The following ZNF287 variants were observed in gnomAD, a reference collection of about 807,000 sequenced individuals.
The protein encoded by ZNF287 is zinc finger protein with KRAB and SCAN domains 13.
ZNF287 carries 31 observed loss-of-function variants against 73.7 expected under a neutral mutation model. The ratio of observed to expected loss-of-function variants is 0.42; its 90% confidence interval spans 0.32 to 0.57. The LOEUF (loss-of-function observed/expected upper bound fraction) is 0.57. Ranked by LOEUF, ZNF287 falls within the 20% of genes least tolerant of loss-of-function variation. The probability of loss-of-function intolerance (pLI) is 0.13; values close to 1 mark genes in which losing one functional copy is unlikely to be tolerated. For missense variants in ZNF287, 641 were observed against 909.3 expected (o/e 0.70, Z 3.79); for synonymous variants, 301 against 307.2 (o/e 0.98, Z 0.21).
At position 16,549,437 on chromosome 17, in the gene ZNF287, GT is replaced by G. The variant is rs778830443; in HGVS notation, c.*2418del. 1.3e-5 allele frequency among the ~76,000 whole-genome samples: 2 copies of G among 152,284 alleles called. No homozygotes were observed. Among genetic ancestry groups the G allele is most frequent in the East Asian group, 3.9e-4 (2 of 5,184 alleles). ...CCACATGCTCAACCAAGGGAAATAA[GT>G]GCTGTGTGAGGGATGAAGCAGCATC... On this transcript the variant is annotated 3_prime_UTR_variant, in exon 6 of 6. Transcript: ENST00000395825.
rs1338522943 is a variant in ZNF287 at position 16,549,530 on chromosome 17, C to G, written c.*2326G>C. On this transcript the variant is annotated 3_prime_UTR_variant, in exon 6 of 6. Transcript: ENST00000395825. ...GCTATATAAGCACAGTTTGAGTATT[C>G]TGCAACCTGTACTTTGTGCAGGATG... is the stretch of plus-strand genomic sequence containing the variant. 4.0e-4 allele frequency among the ~76,000 whole-genome samples: 61 copies of G among 152,162 alleles called. 2 individuals are homozygous for G. Among genetic ancestry groups the G allele is most frequent in the Non-Finnish European group, 1.5e-5 (1 of 68,036 alleles).
At chr17:16,559,306 G>A (rs1245256953) in intron 5 of ZNF287, 1 of 151,986 alleles carries the variant, frequency 6.6e-6, no homozygotes, top group East Asian at 1.9e-4. Context: ...TATCCTTAGT[G>A]GTATATATTC....
rs1396144542 is a variant in ZNF287, at chr17:16,547,494, T to C, written c.*4362A>G. On this transcript the variant is annotated 3_prime_UTR_variant, in exon 6 of 6. Transcript: ENST00000395825. ...CAATTTAGGTGCATGCTTAACAAGATTTAGTTGTTTGCACCCGAAAGTTTA... is the reference window on the plus strand; with the variant it reads ...CAATTTAGGTGCATGCTTAACAAGACTTAGTTGTTTGCACCCGAAAGTTTA... Among the ~76,000 whole-genome samples, 4 of 152,144 alleles carry C rather than the reference T, an allele frequency of 2.6e-5. No homozygotes were observed. Among genetic ancestry groups the C allele is most frequent in the Middle Eastern group, 3.2e-3 (1 of 316 alleles).
chr17:16,559,149 T>C (rs533625523), intron 5 of ZNF287: 19 of 152,192 alleles, frequency 1.2e-4, no homozygotes, highest in South Asian at 8.3e-4. Flanking sequence ...CCAATGATCA[T>C]GGTTACCTAT....
intron 1 of ZNF287, among the ~76,000 whole-genome samples, chr17:16,568,441 G>A (rs148849908): frequency 4.6e-5 from 7 of 152,274 alleles, no homozygotes; most frequent in Admixed American, 2.0e-4. Flanking sequence ...TCAGAGGGTT[G>A]GGAAGACCAG....
At chr17:16,554,103 A>G (rs1422071183) in intron 5 of ZNF287, among the ~76,000 whole-genome samples, 1 of 152,172 alleles carries the variant, frequency 6.6e-6, no homozygotes, top group Non-Finnish European at 1.5e-5. Context: ...AAAAGTTTAA[A>G]ATACCTCCAC....
chr17:16,548,857 A>C lies in ZNF287; in HGVS notation c.*2999T>G, dbSNP rs1293019593. Among the ~76,000 whole-genome samples the C allele has an allele frequency of 2.6e-5, 4 of 152,222 alleles. No individual in the cohort carries two copies. The highest frequency in any genetic ancestry group is 9.6e-5 in the African/African-American group (4 of 41,456). ...CTAGATAGATGAAACAGATAATCAA[A>C]TACTATGTGTGAAAACTGACTGGAT... On this transcript the variant is annotated 3_prime_UTR_variant, in exon 6 of 6. Transcript: ENST00000395825.
Position 16,563,785 on chromosome 17 carries a change from T to A in ZNF287, c.542A>T (p.Gln181Leu). 1 of 1,614,034 alleles carries A rather than the reference T, an allele frequency of 6.2e-7. No homozygotes were observed. The change falls in exon 4 of 6, where the codon CAG (glutamine) becomes CTG (leucine). Residue 181 changes from glutamine to leucine, a missense_variant. By Grantham distance (113) the Gln-to-Leu change is moderately radical (BLOSUM62 -2). Transcript: ENST00000395825. ...TFKDVAVDIT[Q>L]EDWELMRPVQ... The stretch of plus-strand genomic sequence containing the variant: ...AGGACGCATTAACTCCCAGTCCTCC[T>A]GGGTGATGTCTACAGCCACATCTTT...
At chr17:16,559,179 A>G (rs927477712) in intron 5 of ZNF287, 1 of 152,088 alleles carries the variant, frequency 6.6e-6, no homozygotes, top group Admixed American at 6.6e-5. Flanking sequence ...GTGGGAAGAG[A>G]GCAGAAGGAA....
Position 16,564,687 on chromosome 17 carries a change from A to T in ZNF287, c.502-862T>A, listed in dbSNP as rs550859831. 4.6e-5 allele frequency among the ~76,000 whole-genome samples: 7 copies of T among 152,346 alleles called. 1 individual carries two copies. Among genetic ancestry groups the T allele is most frequent in the African/African-American group, 1.7e-4 (7 of 41,586 alleles). On this transcript the variant is annotated intron_variant, in intron 3 of 5. Transcript: ENST00000395825. The stretch of plus-strand genomic sequence containing the variant: ...AATAATCACAGTGTTGAACTGCTGC[A>T]CTGTTAAATACATTTCACAATCTGG...
At chr17:16,564,835 T>C (rs925562829) in intron 3 of ZNF287, among the ~76,000 whole-genome samples, 9 of 151,868 alleles carry the variant, frequency 5.9e-5, no homozygotes, top group African/African-American at 1.9e-4. Context: ...TGGAGTGCAG[T>C]GGCCTCCTGA....
chr17:16,560,310 G>A (rs547852986), intron 5 of ZNF287, among the ~76,000 whole-genome samples: 5,387 of 112,772 alleles, frequency 0.048, 141 homozygotes, highest in African/African-American at 0.098. Flanking sequence ...CAACAGTGGT[G>A]TATATATATA....
rs1569008444 is a variant in ZNF287, at chr17:16,548,194, T to C, written c.*3662A>G. Among the ~76,000 whole-genome samples, 2 of 152,232 alleles carry C rather than the reference T, an allele frequency of 1.3e-5. No homozygotes were observed. The highest frequency in any genetic ancestry group is 4.8e-5 in the African/African-American group (2 of 41,448). On this transcript the variant is annotated 3_prime_UTR_variant, in exon 6 of 6. Transcript: ENST00000395825. ...GTTGGCAATCAAAATATCCATGTGC[T>C]GCCAGTGTCAGTCCACAGATTAATT...
rs139605983 is a variant in ZNF287, at chr17:16,551,386, A to AT, written c.*469dup. 0.1 allele frequency: 16,558 copies of AT among 158,802 alleles called. 1,914 individuals are homozygous for AT. Among genetic ancestry groups the AT allele is most frequent in the African/African-American group, 0.29 (12,058 of 41,212 alleles). The allele number at this position is 158,802 out of a possible 1,614,324, so 9.8% of individuals were successfully genotyped here. A position where few individuals can be genotyped will look rare whatever the true frequency, so the allele number is the denominator to read the frequency against. ...ACTGTACAGATCCATTTATACTGGA[A>AT]TTTTTTTTTTCAACTGAACAGAGTT... On this transcript the variant is annotated 3_prime_UTR_variant, in exon 6 of 6. Transcript: ENST00000395825.
intron 3 of ZNF287, 27 bp downstream of exon 3, chr17:16,566,498 A>G: frequency 6.3e-7 from 1 of 1,594,432 alleles, no homozygotes; most frequent in Non-Finnish European, 8.6e-7. Context: ...AAGGCATTTT[A>G]AAATCAGAAA....
chr17:16,553,177 T>C lies in ZNF287; in HGVS notation c.965A>G (p.Glu322Gly), dbSNP rs547584422. 1.4e-5 allele frequency: 23 copies of C among 1,605,332 alleles called. No individual in the cohort carries two copies. In the South Asian group the frequency reaches 2.4e-4, roughly 17 times the overall value. ...SKYDIYRNNF[E>G]KHSNLIVQFD... is the part of the protein sequence containing the mutation. ...CTGTACAATTAGGTTTGAATGCTTT[T>C]CAAAATTATTTCTATATATATCATA... Residue 322 changes from glutamate (E) to glycine (G), a missense_variant, in exon 6 of 6, where the codon GAA (glutamate) becomes GGA (glycine). This residue lies in a region of ZNF287 where 357 missense variants were observed against 442.4 expected (regional missense o/e 0.81). Coordinates refer to ENST00000395825, the MANE Select transcript of ZNF287 (RefSeq NM_020653.4).
rs139605983 is a variant in ZNF287 at position 16,551,386 on chromosome 17, AT to A, written c.*469del. 213 of 159,006 alleles carry A rather than the reference AT, an allele frequency of 1.3e-3. No homozygotes were observed. Among genetic ancestry groups the A allele is most frequent in the African/African-American group, 4.5e-3 (185 of 41,236 alleles). The allele number at this position is 159,006 out of a possible 1,614,324, so 9.8% of individuals were successfully genotyped here. ...ACTGTACAGATCCATTTATACTGGAATTTTTTTTTTCAACTGAACAGAGTTT... is the reference window on the plus strand; with the variant it reads ...ACTGTACAGATCCATTTATACTGGAATTTTTTTTTCAACTGAACAGAGTTT... On this transcript the variant is annotated 3_prime_UTR_variant, in exon 6 of 6. Coordinates refer to ENST00000395825, the MANE Select transcript of ZNF287 (RefSeq NM_020653.4).
chr17:16,548,536 G>A lies in ZNF287; in HGVS notation c.*3320C>T, dbSNP rs1906421509. 1.3e-5 allele frequency among the ~76,000 whole-genome samples: 2 copies of A among 152,120 alleles called. No individual in the cohort carries two copies. The highest frequency in any genetic ancestry group is 2.4e-5 in the African/African-American group (1 of 41,434). On this transcript the variant is annotated 3_prime_UTR_variant, in exon 6 of 6. Transcript: ENST00000395825. ...AAACTGTCCGGGCGCGGTGGTTCAC[G>A]CCTGTAATGCCAGTACTTTGGGAGG...
In ZNF287 at chr17:16,550,648, TTC is replaced by T. The variant is rs1427822723; in HGVS notation, c.*1206_*1207del. On this transcript the variant is annotated 3_prime_UTR_variant, in exon 6 of 6. Coordinates refer to ENST00000395825, the MANE Select transcript of ZNF287 (RefSeq NM_020653.4). The stretch of plus-strand genomic sequence containing the variant: ...CACTTTCTCATCACTCTAGAAATCT[TTC>T]TGTTGTGTAAACCACCTGTGATTTT... Among the ~76,000 whole-genome samples the T allele has an allele frequency of 6.6e-6, 1 of 152,202 alleles. No homozygotes were observed. The highest frequency in any genetic ancestry group is 6.5e-5 in the Admixed American group (1 of 15,280).
Sources: gnomAD v4.1 joint callset for allele counts (sites outside exome capture counted in the v4.1 genomes callset) on GRCh38, gnomAD v4.1.1 for gene constraint, gnomAD v4.1.1 regional missense constraint, MANE v1.5 for transcripts, NCBI Gene and HGNC (gene_info 2026-07-23, HGNC 2026-07-21) for gene names.